Variants in GRIP1 observed in about 807,000 individuals in gnomAD.
GRIP1 encodes glutamate receptor-interacting protein 1.
Under a neutral mutation model 129.9 loss-of-function variants are expected in GRIP1, and 45 were observed. The ratio of observed to expected loss-of-function variants is 0.35; its 90% confidence interval spans 0.27 to 0.44. The LOEUF is 0.44. Among genes scored for constraint, GRIP1 ranks in the 20% least tolerant of loss-of-function variants. The pLI is 1.00. For missense variants in GRIP1, 1,196 were observed against 1,396.8 expected, an observed-to-expected ratio of 0.86 and a Z score of 2.29; for synonymous variants, 530 against 520.8, an observed-to-expected ratio of 1.02 and a Z score of -0.24.
rs908672488 is a variant in GRIP1, at chr12:66,450,161, G to A, written c.1355-4653C>T. Among the ~76,000 whole-genome samples, 7 of 151,674 alleles carry A rather than the reference G, an allele frequency of 4.6e-5. No homozygotes were observed. In the East Asian group the frequency reaches 5.8e-4, roughly 13 times the overall value. ...TAAAAATACAAAAACAAAATTAGCC[G>A]GGCGTGGTGGCAGGCGCCTGTAGTC... On this transcript the variant is annotated intron_variant, in intron 11 of 24. Transcript: ENST00000359742.
At chr12:66,355,922 C>A (rs543350601) in intron 23 of GRIP1, among the ~76,000 whole-genome samples, 39 of 152,270 alleles carry the variant, frequency 2.6e-4, no homozygotes, top group African/African-American at 8.9e-4. Flanking sequence ...AGAGTGTGAA[C>A]TAAGAGAGAT....
intron 1 of GRIP1, among the ~76,000 whole-genome samples, chr12:66,832,454 T>C (rs920105586): frequency 2.0e-5 from 3 of 152,166 alleles, no homozygotes; most frequent in Admixed American, 6.5e-5. Flanking sequence ...TAATATTGTA[T>C]TCATTCCATC....
intron 13 of GRIP1, among the ~76,000 whole-genome samples, chr12:66,438,712 T>C (rs927516374): frequency 2.6e-5 from 4 of 152,076 alleles, no homozygotes; most frequent in Admixed American, 6.6e-5. Flanking sequence ...GGCAGGCTGG[T>C]CTGGAATTCC....
intron 1 of GRIP1, among the ~76,000 whole-genome samples, chr12:66,673,261 T>C (rs866170774): frequency 6.6e-6 from 1 of 152,226 alleles, no homozygotes; most frequent in African/African-American, 2.4e-5. Flanking sequence ...AGTTAGTACA[T>C]GTAAAATGTT....
chr12:66,766,169 T>C (rs545227456), intron 1 of GRIP1, among the ~76,000 whole-genome samples: 109 of 152,318 alleles, frequency 7.2e-4, no homozygotes, highest in Non-Finnish European at 1.1e-3. Flanking sequence ...ATGAAAAGTA[T>C]ATTTTCAACA....
At chr12:66,861,765 T>C (rs554902255) in intron 1 of GRIP1, among the ~76,000 whole-genome samples, 4 of 152,260 alleles carry the variant, frequency 2.6e-5, no homozygotes, top group African/African-American at 7.2e-5. Flanking sequence ...TTTTCTAATC[T>C]ATTTCACTTC....
At chr12:66,365,282 A>C (rs2137218334) in intron 23 of GRIP1, among the ~76,000 whole-genome samples, 1 of 152,210 alleles carries the variant, frequency 6.6e-6, no homozygotes, top group African/African-American at 2.4e-5. Context: ...CTAAAAATAC[A>C]AAAAATTACC....
intron 1 of GRIP1, among the ~76,000 whole-genome samples, chr12:66,642,078 G>C (rs181690051): frequency 1.6e-3 from 238 of 152,252 alleles, no homozygotes; most frequent in Non-Finnish European, 2.4e-3. Context: ...TCAGTCTCGT[G>C]GGGGAGAGAA....
intron 1 of GRIP1, among the ~76,000 whole-genome samples, chr12:66,653,662 G>T (rs12321551): frequency 0.016 from 2,509 of 152,316 alleles, 62 homozygotes; most frequent in African/African-American, 0.057. Flanking sequence ...GCATTTGGCA[G>T]ATGCACTGTA....
At chr12:66,970,915 G>A (rs1236972465) in intron 1 of GRIP1, among the ~76,000 whole-genome samples, 1 of 152,220 alleles carries the variant, frequency 6.6e-6, no homozygotes, top group South Asian at 2.1e-4. Flanking sequence ...TTATCATAGA[G>A]AACATTCTGA....
intron 1 of GRIP1, among the ~76,000 whole-genome samples, chr12:67,018,735 G>C (rs1320172883): frequency 6.6e-6 from 1 of 152,076 alleles, no homozygotes; most frequent in East Asian, 1.9e-4. Context: ...ATGGGCCTCT[G>C]AACACTCCAT....
At chr12:66,829,024 C>T (rs1394590310) in intron 1 of GRIP1, among the ~76,000 whole-genome samples, 1 of 152,142 alleles carries the variant, frequency 6.6e-6, no homozygotes, top group African/African-American at 2.4e-5. Context: ...CCCACCTCCC[C>T]AGGATGAATT....
Position 66,432,581 on chromosome 12 carries a change from T to A in GRIP1, c.1735A>T (p.Lys579Ter). The A allele has an allele frequency of 6.2e-7, 1 of 1,604,414 alleles. No individual in the cohort carries two copies. The highest frequency in any genetic ancestry group is 8.5e-7 in the Non-Finnish European group (1 of 1,171,968). Residue 579 changes from lysine to a stop codon, truncating the protein, a stop_gained, in exon 14 of 25, where the codon AAG (lysine) becomes TAG (stop). Transcript: ENST00000359742. LOFTEE classifies it high-confidence loss of function. ...SGTFHVKLPK[K>*]HNVELGITIS... The stretch of plus-strand genomic sequence containing the variant: ...GTTATTCCAAGTTCCACATTGTGCT[T>A]CTTAGGCAGCTTTACATGAAATGTT...
intron 5 of GRIP1, among the ~76,000 whole-genome samples, chr12:66,529,532 A>T (rs1287785816): frequency 6.6e-6 from 1 of 152,216 alleles, no homozygotes; most frequent in Non-Finnish European, 1.5e-5. Context: ...GAAGTAACTC[A>T]GGAAAGGAAA....
intron 7 of GRIP1, among the ~76,000 whole-genome samples, chr12:66,489,152 G>A (rs535827181): frequency 4.6e-5 from 7 of 152,182 alleles, no homozygotes; most frequent in South Asian, 4.2e-4. Flanking sequence ...GCCAAAACCC[G>A]GCAGGGATAC....
intron 1 of GRIP1, among the ~76,000 whole-genome samples, chr12:66,616,260 T>A (rs2065034919): frequency 6.6e-6 from 1 of 152,106 alleles, no homozygotes; most frequent in Admixed American, 6.6e-5. Context: ...TATTCTTTTT[T>A]TTAAATAAAA....
intron 7 of GRIP1, among the ~76,000 whole-genome samples, chr12:66,477,915 C>A (rs560464927): frequency 1.3e-5 from 2 of 152,124 alleles, no homozygotes; most frequent in East Asian, 3.9e-4. Context: ...GACCTAAAAC[C>A]ATAAAAACCC....
chr12:66,894,249 C>G (rs1592935110), intron 1 of GRIP1, among the ~76,000 whole-genome samples: 1 of 152,260 alleles, frequency 6.6e-6, no homozygotes, highest in South Asian at 2.1e-4. Context: ...AGAGTACACG[C>G]ACTCCCACAA....
chr12:66,540,888 G>A (rs2061756472), intron 3 of GRIP1, among the ~76,000 whole-genome samples: 1 of 152,128 alleles, frequency 6.6e-6, no homozygotes, highest in South Asian at 2.1e-4. Context: ...TCCGCCTCCT[G>A]GGCGGATTCA....
Sources: allele counts gnomAD v4.1 joint callset (sites outside exome capture counted in the v4.1 genomes callset), GRCh38; gene constraint gnomAD v4.1.1; transcripts MANE v1.5; gene names NCBI Gene and HGNC (gene_info 2026-07-23, HGNC 2026-07-21).